The following THSD7A variants were observed in gnomAD, a reference collection of about 807,000 sequenced individuals.
THSD7A encodes the protein thrombospondin type 1 domain containing 7A.
THSD7A carries 96 observed loss-of-function variants against 231.3 expected under a neutral mutation model. The ratio of observed to expected loss-of-function variants is 0.41; its 90% CI spans 0.35 to 0.49. The LOEUF (loss-of-function observed/expected upper bound fraction) is 0.49, where lower values mean the gene tolerates loss of function less well. Ranked by LOEUF, THSD7A falls within the 20% of genes least tolerant of loss-of-function variation. The pLI is 0.05. For missense variants in THSD7A, 2,290 were observed against 2,070.2 expected (o/e 1.11, Z -2.06); for synonymous variants, 940 against 743.3 (o/e 1.26, Z -4.30).
intron 11 of THSD7A, among the ~76,000 whole-genome samples, chr7:11,449,768 C>A (rs1204941695): frequency 6.6e-6 from 1 of 152,010 alleles, no homozygotes; most frequent in Non-Finnish European, 1.5e-5. Context: ...CCCTTTCAGA[C>A]ACTCTAAACT....
intron 6 of THSD7A, among the ~76,000 whole-genome samples, chr7:11,491,077 C>T (rs1015281568): frequency 8.6e-5 from 13 of 151,818 alleles, no homozygotes; most frequent in African/African-American, 1.2e-4. Flanking sequence ...TCATTTTTTC[C>T]GAATTTTGCT....
intron 4 of THSD7A, among the ~76,000 whole-genome samples, chr7:11,546,847 T>C (rs956213434): frequency 4.6e-5 from 7 of 152,124 alleles, no homozygotes; most frequent in Non-Finnish European, 8.8e-5. Flanking sequence ...AAATAGCTTT[T>C]TTAAGAAAAA....
chr7:11,782,253 A>AATT (rs1385286958), intron 1 of THSD7A, among the ~76,000 whole-genome samples: 3 of 152,206 alleles, frequency 2.0e-5, no homozygotes, highest in Non-Finnish European at 4.4e-5. Context: ...TCTGATTAAA[A>AATT]AGTCTGAGGC....
At chr7:11,471,646 G>A (rs1785943716) in intron 8 of THSD7A, among the ~76,000 whole-genome samples, 1 of 151,962 alleles carries the variant, frequency 6.6e-6, no homozygotes, top group South Asian at 2.1e-4. Context: ...TAATCTTTTT[G>A]ATTTATCTTG....
chr7:11,437,795 C>G (rs1583740393), intron 13 of THSD7A, among the ~76,000 whole-genome samples: 1 of 152,002 alleles, frequency 6.6e-6, no homozygotes, highest in Middle Eastern at 3.2e-3. Flanking sequence ...AATAATGAAC[C>G]TATATAATCT....
chr7:11,401,980 A>C lies in THSD7A; in HGVS notation c.4238-12T>G, dbSNP rs371931550. The C allele has an allele frequency of 6.8e-6, 11 of 1,607,650 alleles. No individual in the cohort carries two copies. Among genetic ancestry groups the C allele is most frequent in the South Asian group, 1.1e-5 (1 of 89,924 alleles). ...CAAATAACAGTCACCTGTAAAACAC[A>C]TATTTGTAATTTACACCCATATCCA... On this transcript the variant is annotated splice_polypyrimidine_tract_variant and intron_variant, in intron 22 of 27. Transcript: ENST00000423059.
chr7:11,591,673 C>T (rs1255620117), intron 3 of THSD7A, among the ~76,000 whole-genome samples: 4 of 151,948 alleles, frequency 2.6e-5, no homozygotes, highest in Middle Eastern at 3.2e-3. Flanking sequence ...TGTTGCTTAA[C>T]GAATTGTGGG....
intron 24 of THSD7A, among the ~76,000 whole-genome samples, chr7:11,381,640 G>A (rs996956715): frequency 1.3e-5 from 2 of 152,254 alleles, no homozygotes; most frequent in African/African-American, 4.8e-5. Flanking sequence ...CAAGACTCCT[G>A]CTGTTGCTAT....
intron 4 of THSD7A, among the ~76,000 whole-genome samples, chr7:11,551,491 A>C (rs1789624910): frequency 6.6e-6 from 1 of 152,164 alleles, no homozygotes; most frequent in East Asian, 1.9e-4. Flanking sequence ...ACTTAAACAA[A>C]TTAACAAAAA....
At chr7:11,737,815 A>G (rs920293506) in intron 1 of THSD7A, among the ~76,000 whole-genome samples, 3 of 152,064 alleles carry the variant, frequency 2.0e-5, no homozygotes, top group Admixed American at 6.6e-5. Flanking sequence ...TTCAAGTTCT[A>G]TAGAGTAGAA....
At chr7:11,815,458 T>C (rs141981747) in intron 1 of THSD7A, among the ~76,000 whole-genome samples, 2 of 152,220 alleles carry the variant, frequency 1.3e-5, no homozygotes, top group African/African-American at 4.8e-5. Flanking sequence ...TACCTGTACA[T>C]ATAAATATAT....
At chr7:11,502,332 A>C (rs1787370146) in intron 6 of THSD7A, among the ~76,000 whole-genome samples, 1 of 152,134 alleles carries the variant, frequency 6.6e-6, no homozygotes. Context: ...GAGACACAAC[A>C]ACAACAAAAA....
intron 2 of THSD7A, among the ~76,000 whole-genome samples, chr7:11,625,885 A>G (rs1418850104): frequency 6.6e-6 from 1 of 152,116 alleles, no homozygotes; most frequent in Non-Finnish European, 1.5e-5. Context: ...GGGTAAGATC[A>G]CAGTTGCTGC....
At position 11,386,904 on chromosome 7, in the gene THSD7A, G is replaced by T. The variant is rs538429172; in HGVS notation, c.4412-4288C>A. On this transcript the variant is annotated intron_variant, in intron 23 of 27. Transcript: ENST00000423059. ...ATTTCTGTATAAGGTGTAAGGAAGGGGTCCAGTTTCAGTTTTCTGCATATG... is the reference window on the plus strand; with the variant it reads ...ATTTCTGTATAAGGTGTAAGGAAGGTGTCCAGTTTCAGTTTTCTGCATATG... Among the ~76,000 whole-genome samples the T allele has an allele frequency of 3.9e-5, 6 of 152,248 alleles. No homozygotes were observed. In the East Asian group the frequency reaches 1.2e-3, roughly 29 times the overall value.
chr7:11,684,073 C>T (rs1288831782), intron 1 of THSD7A, among the ~76,000 whole-genome samples: 1 of 151,718 alleles, frequency 6.6e-6, no homozygotes, highest in Non-Finnish European at 1.5e-5. Context: ...AAGGATGATC[C>T]AATACACACA....
At chr7:11,454,599 G>C (rs530728310) in intron 11 of THSD7A, among the ~76,000 whole-genome samples, 1 of 148,058 alleles carries the variant, frequency 6.8e-6, no homozygotes, top group African/African-American at 2.5e-5. Context: ...TGATTATTGT[G>C]TATATACACT....
intron 1 of THSD7A, chr7:11,820,767 A>G: frequency 8.3e-7 from 1 of 1,206,826 alleles, no homozygotes; most frequent in Non-Finnish European, 1.2e-6. Context: ...TAGGAGTGAG[A>G]TGACCGGGAG....
At chr7:11,688,942 C>T (rs563296977) in intron 1 of THSD7A, among the ~76,000 whole-genome samples, 1 of 151,654 alleles carries the variant, frequency 6.6e-6, no homozygotes, top group Admixed American at 6.6e-5. Context: ...CATTGGGATT[C>T]GTACAGATAG....
chr7:11,545,468 T>C (rs1415738638), intron 4 of THSD7A, among the ~76,000 whole-genome samples: 1 of 152,098 alleles, frequency 6.6e-6, no homozygotes, highest in African/African-American at 2.4e-5. Context: ...TCCCACCAAG[T>C]GACCAGACCA....
Sources: allele counts gnomAD v4.1 joint callset (sites outside exome capture counted in the v4.1 genomes callset), GRCh38; gene constraint gnomAD v4.1.1; transcripts MANE v1.5; gene names NCBI Gene and HGNC (gene_info 2026-07-23, HGNC 2026-07-21).